CREB3L2: variants seen among roughly 807,000 people sequenced by gnomAD.
CREB3L2 encodes the protein cyclic AMP-responsive element-binding protein 3-like protein 2.
CREB3L2 carries 23 observed loss-of-function variants against 57.2 expected under a neutral mutation model. The observed-to-expected ratio is 0.40, with a 90% confidence interval of 0.29 to 0.57. The LOEUF (loss-of-function observed/expected upper bound fraction) is 0.57, where lower values mean the gene tolerates loss of function less well. CREB3L2 is among the 20% of genes least tolerant of loss of function. The pLI is 0.42. For missense variants in CREB3L2, 628 were observed against 634.7 expected (o/e 0.99, Z 0.11); for synonymous variants, 268 against 265.1 (o/e 1.01, Z -0.11).
chr7:137,899,096 A>AGAAGGAAGGAAGGAAGGAAGGAAGGAAG (rs200596273), intron 8 of CREB3L2, among the ~76,000 whole-genome samples: 42 of 83,812 alleles, frequency 5.0e-4, no homozygotes, highest in African/African-American at 1.4e-3. Flanking sequence ...AAAAGGAAAG[A>AGAAGGAAGGAAGGAAGGAAGGAAGGAAG]GAAGGAAGGA....
chr7:137,877,371 C>A lies in CREB3L2; in HGVS notation c.*3105G>T. On this transcript the variant is annotated 3_prime_UTR_variant, in exon 12 of 12. Coordinates refer to ENST00000330387, the MANE Select transcript of CREB3L2 (RefSeq NM_194071.4). ...AAAAAGAGCAACCTAGTTCAGCTGT[C>A]GGATTTTTATATAACACTCTCTTTA... 1 of 226,478 alleles carries A rather than the reference C, an allele frequency of 4.4e-6. No individual in the cohort carries two copies. The highest frequency in any genetic ancestry group is 8.8e-6 in the Non-Finnish European group (1 of 113,786). 14.0% of individuals were successfully genotyped at this position (226,478 alleles called of 1,614,324 possible).
chr7:137,895,884 C>T (rs1486825994), intron 8 of CREB3L2, among the ~76,000 whole-genome samples: 1 of 152,234 alleles, frequency 6.6e-6, no homozygotes, highest in Non-Finnish European at 1.5e-5. Context: ...ACCCAGGATC[C>T]TCTTCACTTA....
intron 1 of CREB3L2, among the ~76,000 whole-genome samples, chr7:137,976,102 C>T (rs1801603394): frequency 6.6e-6 from 1 of 152,184 alleles, no homozygotes; most frequent in Non-Finnish European, 1.5e-5. Flanking sequence ...ATAATGTGGC[C>T]CAATGGCCCT....
chr7:137,972,239 G>C (rs904057209), intron 1 of CREB3L2, among the ~76,000 whole-genome samples: 1 of 152,116 alleles, frequency 6.6e-6, no homozygotes, highest in South Asian at 2.1e-4. Flanking sequence ...AGGAGTTCGA[G>C]ACCAGCCTGG....
chr7:137,975,325 T>C (rs1377388758), intron 1 of CREB3L2, among the ~76,000 whole-genome samples: 1 of 152,168 alleles, frequency 6.6e-6, no homozygotes, highest in Non-Finnish European at 1.5e-5. Context: ...TTAGGGTTAC[T>C]CATAACCAGC....
chr7:137,977,183 G>T (rs1455271859), intron 1 of CREB3L2, among the ~76,000 whole-genome samples: 3 of 152,204 alleles, frequency 2.0e-5, no homozygotes, highest in Middle Eastern at 3.2e-3. Context: ...GTGGAAGTCT[G>T]CATGGAAATG....
At chr7:137,956,330 T>G (rs549750460) in intron 1 of CREB3L2, among the ~76,000 whole-genome samples, 1 of 152,378 alleles carries the variant, frequency 6.6e-6, no homozygotes, top group Admixed American at 6.5e-5. Context: ...GTCAATTTAC[T>G]TTAGAGAGCA....
In CREB3L2 at chr7:137,882,485, C is replaced by T. The variant is rs1206047983; in HGVS notation, c.1414G>A (p.Asp472Asn). Reference protein sequence around the residue: ...VSGLESRPDVDLPHFIISNET... With the variant: ...VSGLESRPDVNLPHFIISNET... Reference sequence around the variant, plus strand: ...TTCGAGATAATGAAATGGGGAAGATCCACATCCGGCCTGGACTCCAGCCCT... The same window carrying T: ...TTCGAGATAATGAAATGGGGAAGATTCACATCCGGCCTGGACTCCAGCCCT... The change falls in exon 11 of 12, where the codon GAT (aspartate) becomes AAT (asparagine). Residue 472 changes from aspartate (D) to asparagine (N), a missense_variant. By Grantham distance (23) the Asp-to-Asn change is conservative. Around this residue, in one of 3 missense-constraint regions of CREB3L2, gnomAD observed 272 missense variants for 242.7 expected, o/e 1.12. Transcript: ENST00000330387. 1.9e-6 allele frequency: 3 copies of T among 1,613,996 alleles called. No homozygotes were observed. The highest frequency in any genetic ancestry group is 2.5e-6 in the Non-Finnish European group (3 of 1,179,908).
rs1272121932 is a variant in CREB3L2, at chr7:137,957,783, T to C, written c.103-29417A>G. ...AAGACTGGCTGTACAAGAAGAGTGG[T>C]AAATGCAATGACATTTATCTCTTTC... is the stretch of plus-strand genomic sequence containing the variant. On this transcript the variant is annotated intron_variant, in intron 1 of 11. Coordinates refer to ENST00000330387, the MANE Select transcript of CREB3L2 (RefSeq NM_194071.4). 7.0e-6 allele frequency: 9 copies of C among 1,288,626 alleles called. No homozygotes were observed. The Middle Eastern group carries it at 1.9e-3, about 275-fold the overall frequency. The allele number at this position is 1,288,626 out of a possible 1,614,324, so 79.8% of individuals were successfully genotyped here.
intron 8 of CREB3L2, among the ~76,000 whole-genome samples, chr7:137,890,085 CTGAGA>C (rs1396287287): frequency 6.6e-6 from 1 of 152,116 alleles, no homozygotes; most frequent in Non-Finnish European, 1.5e-5. Flanking sequence ...ACCAGCCCAA[CTGAGA>C]TATGTCCACC....
intron 7 of CREB3L2, among the ~76,000 whole-genome samples, chr7:137,903,397 CA>C (rs542036880): frequency 6.6e-6 from 1 of 151,540 alleles, no homozygotes; most frequent in Non-Finnish European, 1.5e-5. Flanking sequence ...AGGGCTAAGA[CA>C]AAACTGTATT....
intron 1 of CREB3L2, among the ~76,000 whole-genome samples, chr7:137,930,619 G>A (rs963249130): frequency 5.9e-5 from 9 of 152,148 alleles, no homozygotes; most frequent in Non-Finnish European, 8.8e-5. Context: ...GAGTTAGAAC[G>A]GTGAAATTCA....
intron 1 of CREB3L2, among the ~76,000 whole-genome samples, chr7:137,998,390 T>C (rs1043945203): frequency 1.3e-5 from 2 of 152,250 alleles, no homozygotes; most frequent in Non-Finnish European, 2.9e-5. Flanking sequence ...TAGGAAGGTT[T>C]GGTGGCTGCC....
chr7:137,922,413 T>TACAC (rs1388085540), intron 2 of CREB3L2, among the ~76,000 whole-genome samples: 9 of 21,114 alleles, frequency 4.3e-4, no homozygotes, highest in African/African-American at 1.6e-3. Context: ...TATATATATA[T>TACAC]ATGTATATAT....
intron 1 of CREB3L2, among the ~76,000 whole-genome samples, chr7:137,968,867 C>T (rs1229766021): frequency 1.3e-5 from 2 of 152,064 alleles, no homozygotes; most frequent in African/African-American, 4.8e-5. Context: ...CACATAAGAA[C>T]AAGTCTTGTG....
intron 1 of CREB3L2, among the ~76,000 whole-genome samples, chr7:138,000,243 C>T (rs1802052392): frequency 6.6e-6 from 1 of 152,218 alleles, no homozygotes; most frequent in South Asian, 2.1e-4. Context: ...AGTAGAAACT[C>T]CTGGAGCACC....
chr7:137,942,405 T>C (rs1345413521), intron 1 of CREB3L2, among the ~76,000 whole-genome samples: 1 of 152,176 alleles, frequency 6.6e-6, no homozygotes, highest in Non-Finnish European at 1.5e-5. Context: ...TCATCCCTTT[T>C]GGAACAGAAA....
intron 1 of CREB3L2, among the ~76,000 whole-genome samples, chr7:137,997,690 T>C (rs973185528): frequency 2.6e-5 from 4 of 152,050 alleles, no homozygotes; most frequent in African/African-American, 9.7e-5. Context: ...ATTGAGCAAC[T>C]GCACTCTAGT....
rs565231915 is a variant in CREB3L2 at position 137,985,136 on chromosome 7, C to A, written c.102+16468G>T. Among the ~76,000 whole-genome samples, 5 of 152,264 alleles carry A rather than the reference C, an allele frequency of 3.3e-5. No homozygotes were observed. The South Asian group carries it at 6.2e-4, about 19-fold the overall frequency. On this transcript the variant is annotated intron_variant, in intron 1 of 11. Transcript: ENST00000330387. ...CAAAGACCTACTGCAATTGCCAAAG[C>A]AATAATAAGACATTATGGAAAGGGG... is the stretch of plus-strand genomic sequence containing the variant.
Sources: gnomAD v4.1 joint callset for allele counts (sites outside exome capture counted in the v4.1 genomes callset) on GRCh38, gnomAD v4.1.1 for gene constraint, gnomAD v4.1.1 regional missense constraint, MANE v1.5 for transcripts, NCBI Gene and HGNC (gene_info 2026-07-23, HGNC 2026-07-21) for gene names.